Variants in PLCB4 observed in about 807,000 individuals in gnomAD.
PLCB4 encodes the protein phospholipase C beta 4.
Under a neutral mutation model 178.8 loss-of-function variants are expected in PLCB4, and 77 were observed. The observed-to-expected ratio is 0.43, with a 90% CI of 0.36 to 0.52. The LOEUF is 0.52. Ranked by LOEUF, PLCB4 falls within the 20% of genes least tolerant of loss-of-function variation. PLCB4 has a pLI of 0.00. For missense variants in PLCB4, 1,024 were observed against 1,453.4 expected, an observed-to-expected ratio of 0.70 and a Z score of 4.80; for synonymous variants, 496 against 490.8, an observed-to-expected ratio of 1.01 and a Z score of -0.14.
intron 2 of PLCB4, among the ~76,000 whole-genome samples, chr20:9,129,979 A>G (rs748263062): frequency 2.6e-5 from 4 of 151,988 alleles, no homozygotes; most frequent in Non-Finnish European, 5.9e-5. Context: ...TCTTGGTTGT[A>G]TCTAGTTTGT....
chr20:9,210,791 G>C (rs577622017), intron 2 of PLCB4, among the ~76,000 whole-genome samples: 1 of 152,294 alleles, frequency 6.6e-6, no homozygotes, highest in Admixed American at 6.5e-5. Context: ...TTAGTATATG[G>C]GGGCAGTTCC....
chr20:9,080,043 T>C (rs867921766), intron 1 of PLCB4, among the ~76,000 whole-genome samples: 1 of 152,214 alleles, frequency 6.6e-6, no homozygotes, highest in Middle Eastern at 3.2e-3. Flanking sequence ...AAATATTTTA[T>C]TTAAAATGTC....
intron 2 of PLCB4, among the ~76,000 whole-genome samples, chr20:9,208,782 C>T (rs1453224384): frequency 1.3e-5 from 2 of 152,158 alleles, no homozygotes; most frequent in Non-Finnish European, 1.5e-5. Flanking sequence ...CCTAAGCAGT[C>T]CTCCCATCTT....
At chr20:9,235,339 G>A (rs1319082384) in intron 3 of PLCB4, among the ~76,000 whole-genome samples, 6 of 152,144 alleles carry the variant, frequency 3.9e-5, no homozygotes, top group Admixed American at 6.6e-5. Context: ...ATACACAATT[G>A]GAAGTTAAAA....
intron 27 of PLCB4, 36 bp downstream of exon 27, chr20:9,421,497 A>T: frequency 2.4e-5 from 37 of 1,569,844 alleles, no homozygotes; most frequent in Non-Finnish European, 3.2e-5. Flanking sequence ...TTACTCTAAT[A>T]ACTTGGGAGC....
intron 18 of PLCB4, 40 bp downstream of exon 18, chr20:9,393,718 A>G: frequency 2.5e-6 from 3 of 1,202,550 alleles, no homozygotes; most frequent in Non-Finnish European, 3.7e-6. Context: ...AGCATACATA[A>G]CATGTGTGGA....
At chr20:9,203,803 T>C (rs6056472) in intron 2 of PLCB4, among the ~76,000 whole-genome samples, 6,760 of 137,392 alleles carry the variant, frequency 0.049, 587 homozygotes, top group African/African-American at 0.17. Context: ...TTTTTTTTTT[T>C]CCCATTTCTT....
chr20:9,467,420 A>C (rs1299609041), intron 35 of PLCB4, among the ~76,000 whole-genome samples: 1 of 151,404 alleles, frequency 6.6e-6, no homozygotes, highest in Middle Eastern at 3.2e-3. Context: ...TAGAACTTAA[A>C]GTATAATAAA....
intron 2 of PLCB4, among the ~76,000 whole-genome samples, chr20:9,216,418 C>A (rs2093733024): frequency 6.6e-6 from 1 of 152,082 alleles, no homozygotes; most frequent in Admixed American, 6.5e-5. Context: ...GGGGTTTCAC[C>A]ATGTTAGCCA....
intron 3 of PLCB4, among the ~76,000 whole-genome samples, chr20:9,285,452 T>C (rs2094528951): frequency 6.6e-6 from 1 of 151,990 alleles, no homozygotes; most frequent in African/African-American, 2.4e-5. Context: ...AAGTTCTTTT[T>C]AGCATAGTAT....
intron 19 of PLCB4, among the ~76,000 whole-genome samples, chr20:9,397,440 A>G (rs2038681958): frequency 6.6e-6 from 1 of 152,178 alleles, no homozygotes; most frequent in Non-Finnish European, 1.5e-5. Flanking sequence ...ACCTCTTCCC[A>G]TAAATCATGA....
chr20:9,110,769 G>A (rs1338553290), intron 2 of PLCB4, among the ~76,000 whole-genome samples: 1 of 152,128 alleles, frequency 6.6e-6, no homozygotes, highest in Admixed American at 6.5e-5. Context: ...CCAATGAATA[G>A]TTTAGAGGAA....
chr20:9,096,174 T>C lies in PLCB4; in HGVS notation c.-134-113T>C, dbSNP rs564622738. The stretch of plus-strand genomic sequence containing the variant: ...AGTCTAATTTAAAGATTTCCATTTG[T>C]TTAATATTATAAATGAAACACAACA... On this transcript the variant is annotated intron_variant, in intron 1 of 39. Coordinates refer to ENST00000378473, the MANE Select transcript of PLCB4 (RefSeq NM_001377142.1). 130 of 152,298 alleles carry C rather than the reference T, an allele frequency of 8.5e-4. 1 individual carries two copies. Among genetic ancestry groups the C allele is most frequent in the African/African-American group, 3.0e-3 (125 of 41,558 alleles). The allele number at this position is 152,298 out of a possible 1,614,324, so 9.4% of individuals were successfully genotyped here.
intron 2 of PLCB4, among the ~76,000 whole-genome samples, chr20:9,140,591 C>G: frequency 6.6e-6 from 1 of 151,968 alleles, no homozygotes; most frequent in South Asian, 2.1e-4. Flanking sequence ...TCGCTCATGA[C>G]TGTCTCGGTG....
intron 2 of PLCB4, among the ~76,000 whole-genome samples, chr20:9,213,632 A>AT (rs1381370734): frequency 4.6e-5 from 7 of 152,158 alleles, no homozygotes; most frequent in Non-Finnish European, 5.9e-5. Context: ...TTTTACATGT[A>AT]ATTTTTATAT....
chr20:9,446,031 C>T (rs978004054), intron 32 of PLCB4, among the ~76,000 whole-genome samples: 2 of 152,028 alleles, frequency 1.3e-5, no homozygotes, highest in Admixed American at 6.6e-5. Flanking sequence ...TATGCTGTGG[C>T]GGGTGGTAAT....
At chr20:9,209,689 T>G (rs539790787) in intron 2 of PLCB4, among the ~76,000 whole-genome samples, 1 of 152,256 alleles carries the variant, frequency 6.6e-6, no homozygotes, top group Non-Finnish European at 1.5e-5. Context: ...ATTATTTCTC[T>G]GAGCCTCCAG....
At chr20:9,264,224 T>C (rs2094326739) in intron 3 of PLCB4, among the ~76,000 whole-genome samples, 1 of 152,200 alleles carries the variant, frequency 6.6e-6, no homozygotes. Context: ...TTTCTGACAC[T>C]CTACCTTGCA....
chr20:9,232,536 G>A (rs941073891), intron 3 of PLCB4, among the ~76,000 whole-genome samples: 1 of 152,012 alleles, frequency 6.6e-6, no homozygotes, highest in Non-Finnish European at 1.5e-5. Flanking sequence ...CTGTGACTAA[G>A]CCAATATCTT....
Sources: allele counts gnomAD v4.1 joint callset (sites outside exome capture counted in the v4.1 genomes callset), GRCh38; gene constraint gnomAD v4.1.1; transcripts MANE v1.5; gene names NCBI Gene and HGNC (gene_info 2026-07-23, HGNC 2026-07-21).